Variants in GADL1 observed in about 807,000 individuals in gnomAD.
GADL1 encodes GAD like acidic amino acid decarboxylase 1, also known as acidic amino acid decarboxylase GADL1.
Under a neutral mutation model 69.5 loss-of-function variants are expected in GADL1, and 71 were observed. The observed-to-expected ratio is 1.02, with a 90% CI of 0.84 to 1.25. GADL1 has a LOEUF of 1.25. Among genes scored for constraint, GADL1 ranks in the 50% most tolerant of loss-of-function variants. The pLI is 0.00. For missense variants in GADL1, 737 were observed against 631.8 expected, an observed-to-expected ratio of 1.17 and a Z score of -1.79; for synonymous variants, 254 against 214.4, an observed-to-expected ratio of 1.18 and a Z score of -1.62.
chr3:30,792,441 T>A (rs139780715), intron 12 of GADL1, among the ~76,000 whole-genome samples: 2 of 152,012 alleles, frequency 1.3e-5, no homozygotes, highest in Non-Finnish European at 2.9e-5. Context: ...GGTGTAGAAG[T>A]GTACATCCGT....
intron 12 of GADL1, among the ~76,000 whole-genome samples, chr3:30,787,321 AAT>A (rs1032874676): frequency 6.6e-6 from 1 of 152,186 alleles, no homozygotes; most frequent in Non-Finnish European, 1.5e-5. Context: ...GCATAGATGA[AAT>A]ATGGAATATG....
chr3:30,815,884 G>C (rs1697458905), intron 11 of GADL1, among the ~76,000 whole-genome samples: 1 of 152,128 alleles, frequency 6.6e-6, no homozygotes, highest in Non-Finnish European at 1.5e-5. Flanking sequence ...ATGGATTGCG[G>C]ACTAAGCATG....
chr3:30,778,113 A>C, intron 14 of GADL1, 66 bp downstream of exon 14: 1 of 900,722 alleles, frequency 1.1e-6, no homozygotes, highest in Non-Finnish European at 1.9e-6. Context: ...TATTTATAGG[A>C]TCAACAGATA....
intron 11 of GADL1, among the ~76,000 whole-genome samples, chr3:30,826,700 T>A (rs992165184): frequency 1.3e-5 from 2 of 150,864 alleles, no homozygotes; most frequent in Non-Finnish European, 2.9e-5. Flanking sequence ...TTAGAAGGGG[T>A]CAAGAGAGGA....
intron 14 of GADL1, among the ~76,000 whole-genome samples, chr3:30,736,473 A>G (rs1384577030): frequency 6.6e-6 from 1 of 152,196 alleles, no homozygotes; most frequent in Non-Finnish European, 1.5e-5. Flanking sequence ...ACTAATAGGA[A>G]CTAATATTAT....
At chr3:30,731,870 C>G (rs971778479) in intron 14 of GADL1, among the ~76,000 whole-genome samples, 1 of 152,162 alleles carries the variant, frequency 6.6e-6, no homozygotes. Context: ...AACATCAAAG[C>G]TGATATTCAT....
chr3:30,871,793 A>G (rs1314340278), intron 1 of GADL1, among the ~76,000 whole-genome samples: 2 of 151,806 alleles, frequency 1.3e-5, no homozygotes, highest in Non-Finnish European at 2.9e-5. Flanking sequence ...CTTCTGAGAG[A>G]ACGTGCTCCT....
At chr3:30,874,659 G>C (rs7634026) in intron 1 of GADL1, among the ~76,000 whole-genome samples, 2 of 151,844 alleles carry the variant, frequency 1.3e-5, no homozygotes, top group African/African-American at 4.8e-5. Flanking sequence ...TCCACCACTC[G>C]TAAGCATCTA....
intron 12 of GADL1, among the ~76,000 whole-genome samples, chr3:30,796,247 CAG>C (rs1194326780): frequency 6.6e-6 from 1 of 152,138 alleles, no homozygotes; most frequent in African/African-American, 2.4e-5. Flanking sequence ...AAAAAGGGAA[CAG>C]AGCTTCCTGG....
intron 14 of GADL1, among the ~76,000 whole-genome samples, chr3:30,738,276 G>A (rs1257805759): frequency 6.6e-6 from 1 of 152,112 alleles, no homozygotes; most frequent in East Asian, 1.9e-4. Context: ...TCATGGCAAA[G>A]CATTTTGGAT....
At chr3:30,825,299 A>G (rs1697664124) in intron 11 of GADL1, among the ~76,000 whole-genome samples, 3 of 151,914 alleles carry the variant, frequency 2.0e-5, no homozygotes, top group Admixed American at 6.6e-5. Flanking sequence ...ATATGCCACC[A>G]ACAATTTCTG....
At chr3:30,833,102 T>C (rs529060813) in intron 11 of GADL1, among the ~76,000 whole-genome samples, 2 of 151,950 alleles carry the variant, frequency 1.3e-5, no homozygotes, top group East Asian at 2.0e-4. Flanking sequence ...AAGAAAAAAA[T>C]GTAAACAGAT....
At chr3:30,831,466 A>G (rs181747539) in intron 11 of GADL1, among the ~76,000 whole-genome samples, 1 of 151,952 alleles carries the variant, frequency 6.6e-6, no homozygotes, top group Non-Finnish European at 1.5e-5. Flanking sequence ...TACCCAATGG[A>G]GATGGTTTCA....
At chr3:30,801,685 A>T (rs1226654140) in intron 11 of GADL1, among the ~76,000 whole-genome samples, 2 of 152,170 alleles carry the variant, frequency 1.3e-5, no homozygotes, top group African/African-American at 4.8e-5. Flanking sequence ...TTGCAACCAA[A>T]TTCCATTTGC....
At chr3:30,812,690 C>T (rs1334717023) in intron 11 of GADL1, among the ~76,000 whole-genome samples, 1 of 152,136 alleles carries the variant, frequency 6.6e-6, no homozygotes, top group Non-Finnish European at 1.5e-5. Flanking sequence ...AACTTGTGTT[C>T]AGAAGCTAGT....
rs1412865161 is a variant in GADL1 at position 30,727,094 on chromosome 3, A to G, written c.*1148T>C. 1 of 150,234 alleles carries G rather than the reference A, an allele frequency of 6.7e-6. No homozygotes were observed. The highest frequency in any genetic ancestry group is 1.9e-4 in the East Asian group (1 of 5,162). 9.3% of individuals were successfully genotyped at this position (150,234 alleles called of 1,614,324 possible). ...GAAACATATATGTGTGTATATATAT[A>G]TATACTATACACACACATATGTATG... is the stretch of plus-strand genomic sequence containing the variant. On this transcript the variant is annotated 3_prime_UTR_variant, in exon 15 of 15. Coordinates refer to ENST00000282538, the MANE Select transcript of GADL1 (RefSeq NM_207359.3).
chr3:30,876,738 G>C (rs761973689), intron 1 of GADL1, among the ~76,000 whole-genome samples: 11 of 151,824 alleles, frequency 7.2e-5, no homozygotes, highest in East Asian at 1.9e-4. Context: ...AATATCCATA[G>C]CTCAGCATCC....
intron 9 of GADL1, among the ~76,000 whole-genome samples, chr3:30,837,710 G>T (rs1697895935): frequency 6.6e-6 from 1 of 152,058 alleles, no homozygotes; most frequent in Non-Finnish European, 1.5e-5. Flanking sequence ...TAGAACTGCT[G>T]ATGTATTTGA....
intron 5 of GADL1, 78 bp from the exon 6 acceptor site, chr3:30,850,189 T>G: frequency 1.3e-6 from 1 of 776,354 alleles, no homozygotes; most frequent in Non-Finnish European, 2.3e-6. Flanking sequence ...GTGGAAAGCA[T>G]GAATGGCCAT....
Sources: allele counts gnomAD v4.1 joint callset (sites outside exome capture counted in the v4.1 genomes callset), GRCh38; gene constraint gnomAD v4.1.1; transcripts MANE v1.5; gene names NCBI Gene and HGNC (gene_info 2026-07-23, HGNC 2026-07-21).